CNTN4: variants seen among roughly 807,000 people sequenced by gnomAD.
CNTN4 encodes the protein contactin-4.
In CNTN4, 77 loss-of-function variants were observed where a neutral mutation model predicts 122.5. The observed-to-expected ratio is 0.63, with a 90% CI of 0.52 to 0.76. The LOEUF (loss-of-function observed/expected upper bound fraction) is 0.76. Ranked by LOEUF, CNTN4 falls within the 30% of genes least tolerant of loss-of-function variation. The probability of loss-of-function intolerance (pLI) is 0.00; values close to 1 mark genes in which losing one functional copy is unlikely to be tolerated. For missense variants in CNTN4, 1,256 were observed against 1,259.1 expected, an observed-to-expected ratio of 1.00 and a Z score of 0.04; for synonymous variants, 512 against 447.0, an observed-to-expected ratio of 1.15 and a Z score of -1.83.
chr3:2,774,188 G>A (rs550255225), intron 6 of CNTN4, among the ~76,000 whole-genome samples: 1 of 152,206 alleles, frequency 6.6e-6, no homozygotes, highest in African/African-American at 2.4e-5. Context: ...TTGAACCTGG[G>A]AGGTGGAGGT....
At chr3:2,227,569 C>G (rs978474214) in intron 2 of CNTN4, among the ~76,000 whole-genome samples, 15 of 152,170 alleles carry the variant, frequency 9.9e-5, no homozygotes, top group African/African-American at 3.6e-4. Flanking sequence ...CATCTTCTCT[C>G]TCTCTGCACT....
At chr3:2,187,446 C>T (rs1482976515) in intron 2 of CNTN4, among the ~76,000 whole-genome samples, 1 of 152,010 alleles carries the variant, frequency 6.6e-6, no homozygotes, top group Non-Finnish European at 1.5e-5. Context: ...TTGAAGGCAG[C>T]TCTAATTTCA....
intron 4 of CNTN4, among the ~76,000 whole-genome samples, chr3:2,611,430 G>A (rs2149827299): frequency 6.6e-6 from 1 of 152,160 alleles, no homozygotes; most frequent in East Asian, 1.9e-4. Context: ...AAGTTGATGG[G>A]CCAAGGAGAG....
intron 13 of CNTN4, chr3:2,985,158 GT>G (rs1464644331): frequency 6.6e-6 from 1 of 152,214 alleles, no homozygotes; most frequent in African/African-American, 2.4e-5. Flanking sequence ...GATTTGAGAT[GT>G]TTTATTATGA....
chr3:2,841,444 A>G lies in CNTN4; in HGVS notation c.454+21863A>G, dbSNP rs2093360450. Reference sequence around the variant, plus strand: ...TTACAAATAAAAGAGGATTAGGATTATTTTCATTTTAATATTCCCACTATA... The same window carrying G: ...TTACAAATAAAAGAGGATTAGGATTGTTTTCATTTTAATATTCCCACTATA... On this transcript the variant is annotated intron_variant, in intron 7 of 24. Coordinates refer to ENST00000418658, the MANE Select transcript of CNTN4 (RefSeq NM_175607.3). This position sits in a 1 kb window ranked among gnomAD's most constrained non-coding sequence, Gnocchi z 4.8. Among the ~76,000 whole-genome samples the G allele has an allele frequency of 6.6e-6, 1 of 152,164 alleles. No homozygotes were observed. The highest frequency in any genetic ancestry group is 1.5e-5 in the Non-Finnish European group (1 of 68,024).
rs192115125 is a variant in CNTN4 at position 2,560,791 on chromosome 3, C to T, written c.-88-10625C>T. Reference sequence around the variant, plus strand: ...AAAATAATCTCCATGAGGGAAGACCCTGTCTTATTCATTGCTGTATCGTAC... The same window carrying T: ...AAAATAATCTCCATGAGGGAAGACCTTGTCTTATTCATTGCTGTATCGTAC... On this transcript the variant is annotated intron_variant, in intron 3 of 24. Coordinates refer to ENST00000418658, the MANE Select transcript of CNTN4 (RefSeq NM_175607.3). Among the ~76,000 whole-genome samples, 8 of 152,232 alleles carry T rather than the reference C, an allele frequency of 5.3e-5. No individual in the cohort carries two copies. In the East Asian group the frequency reaches 1.4e-3, roughly 26 times the overall value.
At chr3:2,383,347 T>C (rs1393481305) in intron 3 of CNTN4, among the ~76,000 whole-genome samples, 1 of 152,218 alleles carries the variant, frequency 6.6e-6, no homozygotes, top group Non-Finnish European at 1.5e-5. Context: ...ATGATGATGA[T>C]GATGAAAGTG....
chr3:2,575,038 T>G (rs1449996421), intron 4 of CNTN4, among the ~76,000 whole-genome samples: 2 of 152,150 alleles, frequency 1.3e-5, no homozygotes, highest in African/African-American at 4.8e-5. Context: ...AAACTATTAG[T>G]ATATTTTAAA....
intron 6 of CNTN4, among the ~76,000 whole-genome samples, chr3:2,755,857 G>T (rs757413463): frequency 6.6e-6 from 1 of 152,012 alleles, no homozygotes; most frequent in Non-Finnish European, 1.5e-5. Flanking sequence ...GGCTAAAAGA[G>T]AACAATTAAT....
intron 4 of CNTN4, among the ~76,000 whole-genome samples, chr3:2,647,228 A>G (rs1266423661): frequency 3.9e-5 from 6 of 152,046 alleles, no homozygotes; most frequent in African/African-American, 1.2e-4. Context: ...TAAAAATACA[A>G]AAATTAGCCA....
intron 4 of CNTN4, among the ~76,000 whole-genome samples, chr3:2,629,913 C>A (rs1160887047): frequency 1.3e-5 from 2 of 152,118 alleles, no homozygotes; most frequent in African/African-American, 4.8e-5. Context: ...TGAGGGTTTT[C>A]TCTATGTTTC....
chr3:2,708,960 G>C (rs74793104), intron 4 of CNTN4, among the ~76,000 whole-genome samples: 15,561 of 152,110 alleles, frequency 0.1, 1,014 homozygotes, highest in Middle Eastern at 0.16. Flanking sequence ...CTCCTGTGTC[G>C]ATATCGCATT....
intron 6 of CNTN4, among the ~76,000 whole-genome samples, chr3:2,794,726 C>T (rs2085179791): frequency 6.6e-6 from 1 of 152,158 alleles, no homozygotes; most frequent in African/African-American, 2.4e-5. Flanking sequence ...TGACTGTGGG[C>T]TTACAAAGAA....
At chr3:2,134,768 T>C (rs186124382) in intron 2 of CNTN4, among the ~76,000 whole-genome samples, 2 of 152,170 alleles carry the variant, frequency 1.3e-5, no homozygotes, top group Non-Finnish European at 2.9e-5. Context: ...AAACAGAACA[T>C]ATATGATGGC....
chr3:2,537,039 CTT>C (rs1185390225), intron 3 of CNTN4, among the ~76,000 whole-genome samples: 9 of 152,226 alleles, frequency 5.9e-5, no homozygotes, highest in Admixed American at 3.3e-4. Flanking sequence ...GGAATTGAAT[CTT>C]AACCCACTAG....
At chr3:2,429,263 G>T (rs989390544) in intron 3 of CNTN4, among the ~76,000 whole-genome samples, 4 of 152,148 alleles carry the variant, frequency 2.6e-5, no homozygotes, top group African/African-American at 7.2e-5. Flanking sequence ...GGATTTTGTT[G>T]TGGATGTCCT....
At chr3:2,554,356 A>C (rs536280177) in intron 3 of CNTN4, among the ~76,000 whole-genome samples, 1 of 152,122 alleles carries the variant, frequency 6.6e-6, no homozygotes, top group Non-Finnish European at 1.5e-5. Context: ...AAAAAACCCA[A>C]ACATACTTTG....
At chr3:2,850,209 C>T (rs902064173) in intron 7 of CNTN4, among the ~76,000 whole-genome samples, 1 of 152,022 alleles carries the variant, frequency 6.6e-6, no homozygotes. Context: ...AGGCTGGTCT[C>T]AAACTCCTGA....
chr3:2,460,861 T>G (rs13074595), intron 3 of CNTN4, among the ~76,000 whole-genome samples: 27,934 of 151,298 alleles, frequency 0.18, 3,251 homozygotes, highest in Middle Eastern at 0.28. Flanking sequence ...GCCATGATAA[T>G]CACTGGAAAT....
Sources: gnomAD v4.1 joint callset for allele counts (sites outside exome capture counted in the v4.1 genomes callset) on GRCh38, gnomAD v4.1.1 for gene constraint, Gnocchi (gnomAD v3.1) non-coding constraint, MANE v1.5 for transcripts, NCBI Gene and HGNC (gene_info 2026-07-23, HGNC 2026-07-21) for gene names.